The following DORIP1 variants were observed in gnomAD, a reference collection of about 807,000 sequenced individuals.
DORIP1 encodes the protein dopamine receptor interacting protein 1.
At chr14:44,897,471 A>G in the DORIP1 span, 1,990 of 211,308 alleles carry the variant, frequency 9.4e-3, 41 homozygotes, top group South Asian at 0.047. Context: ...TAGATGAGGC[A>G]GCGGCGGCGG....
chr14:44,903,587 T>C, the DORIP1 span: 57 of 1,034,962 alleles, frequency 5.5e-5, no homozygotes, highest in Non-Finnish European at 5.9e-5. Context: ...TGGATTTTTT[T>C]CTGCACTCTC....
At chr14:44,905,308 GA>G in the DORIP1 span, 1 of 1,145,218 alleles carries the variant, frequency 8.7e-7, no homozygotes, top group Non-Finnish European at 1.2e-6. Flanking sequence ...TGAATTTAAG[GA>G]ATGTTTATCT....
chr14:44,905,556 G>A, the DORIP1 span: 35 of 1,478,540 alleles, frequency 2.4e-5, no homozygotes, highest in East Asian at 8.0e-4. Context: ...AATAAATATA[G>A]ATTGATGCTA....
At chr14:44,905,694 T>C in the DORIP1 span, 1 of 510,470 alleles carries the variant, frequency 2.0e-6, no homozygotes, top group Non-Finnish European at 3.2e-6. Flanking sequence ...TAACCCCAGG[T>C]AAATGTTTTA....
At chr14:44,905,126 G>A in the DORIP1 span, 11,773 of 323,618 alleles carry the variant, frequency 0.036, 693 homozygotes, top group African/African-American at 0.17. Context: ...GTTTTCTTAC[G>A]TGTTTACTCT....
the DORIP1 span, chr14:44,907,187 G>A: frequency 6.6e-6 from 1 of 152,584 alleles, no homozygotes; most frequent in Non-Finnish European, 1.5e-5. Context: ...TGAGGATTAA[G>A]ATGTTTGTTA....
At chr14:44,901,769 C>CATGTGG in the DORIP1 span, among the ~76,000 whole-genome samples, 1 of 152,152 alleles carries the variant, frequency 6.6e-6, no homozygotes, top group Non-Finnish European at 1.5e-5. Context: ...TGGCATCTCA[C>CATGTGG]ATGTGGATGT....
chr14:44,898,600 C>T, the DORIP1 span, among the ~76,000 whole-genome samples: 4 of 152,162 alleles, frequency 2.6e-5, no homozygotes, highest in South Asian at 8.3e-4. Flanking sequence ...GAATGCATAA[C>T]TGTTTTTTAA....
the DORIP1 span, among the ~76,000 whole-genome samples, chr14:44,902,051 G>T: frequency 6.6e-6 from 1 of 152,148 alleles, no homozygotes; most frequent in Admixed American, 6.5e-5. Flanking sequence ...CTGATAGATC[G>T]TTCCCATTTG....
the DORIP1 span, chr14:44,904,251 T>C: frequency 2.9e-6 from 4 of 1,368,862 alleles, no homozygotes; most frequent in African/African-American, 4.5e-5. Context: ...AGGTAGTAAT[T>C]ACCCTATAAC....
chr14:44,905,323 C>T, the DORIP1 span: 1 of 1,268,644 alleles, frequency 7.9e-7, no homozygotes, highest in Non-Finnish European at 1.1e-6. Context: ...TTTATCTTAA[C>T]AAAGTATTAA....
the DORIP1 span, chr14:44,900,707 GTTTTC>G: frequency 2.5e-6 from 4 of 1,614,010 alleles, no homozygotes; most frequent in Non-Finnish European, 3.4e-6. Flanking sequence ...TTTGTAGACT[GTTTTC>G]TTTACTTAAT....
the DORIP1 span, chr14:44,905,557 A>G: frequency 4.1e-6 from 6 of 1,479,736 alleles, no homozygotes; most frequent in Non-Finnish European, 5.5e-6. Flanking sequence ...ATAAATATAG[A>G]TTGATGCTAA....
chr14:44,905,542 G>A, the DORIP1 span: 1 of 1,508,526 alleles, frequency 6.6e-7, no homozygotes, highest in Non-Finnish European at 9.0e-7. Context: ...TCGAGCAACA[G>A]AGAAATAAAT....
At chr14:44,900,843 T>C in the DORIP1 span, 1 of 1,614,124 alleles carries the variant, frequency 6.2e-7, no homozygotes, top group Non-Finnish European at 8.5e-7. Context: ...GGAATGAGCA[T>C]GATAATTTTA....
chr14:44,899,823 A>ATTTTTTTTTTTTTTTTTTTTTTTTT, the DORIP1 span, among the ~76,000 whole-genome samples: 2 of 134,396 alleles, frequency 1.5e-5, 1 homozygote, highest in African/African-American at 6.9e-5. Flanking sequence ...TTCATTTAGG[A>ATTTTTTTTTTTTTTTTTTTTTTTTT]ATTTTTTTTT....
the DORIP1 span, among the ~76,000 whole-genome samples, chr14:44,899,608 A>T: frequency 6.6e-6 from 1 of 151,970 alleles, no homozygotes; most frequent in African/African-American, 2.4e-5. Context: ...TACAACAAAT[A>T]AAATATGTAG....
chr14:44,903,998 T>C, the DORIP1 span: 1 of 979,814 alleles, frequency 1.0e-6, no homozygotes, highest in African/African-American at 1.7e-5. Flanking sequence ...GAGGAAACAA[T>C]TTGTTCATGC....
At chr14:44,899,823 A>ATTTTTTTTTTT in the DORIP1 span, among the ~76,000 whole-genome samples, 5 of 134,446 alleles carry the variant, frequency 3.7e-5, no homozygotes, top group East Asian at 2.0e-4. Context: ...TTCATTTAGG[A>ATTTTTTTTTTT]ATTTTTTTTT....
Sources: gnomAD v4.1 joint callset for allele counts (sites outside exome capture counted in the v4.1 genomes callset) on GRCh38, gnomAD v4.1.1 for gene constraint, MANE v1.5 for transcripts, NCBI Gene and HGNC (gene_info 2026-07-23, HGNC 2026-07-21) for gene names.